The following GPHN variants were observed in gnomAD, a reference collection of about 807,000 sequenced individuals.
GPHN encodes the protein gephyrin.
A neutral mutation model predicts 95.5 loss-of-function variants in GPHN; 17 were observed. That is an observed-to-expected ratio of 0.18 (90% CI 0.12 to 0.27). GPHN has a LOEUF of 0.27. Among genes scored for constraint, GPHN ranks in the 10% least tolerant of loss-of-function variants. The pLI is 1.00. For missense variants in GPHN, 660 were observed against 978.1 expected, an observed-to-expected ratio of 0.67 and a Z score of 4.34; for synonymous variants, 320 against 322.5, an observed-to-expected ratio of 0.99 and a Z score of 0.08.
chr14:67,278,435 C>G, the GPHN span, among the ~76,000 whole-genome samples: 1 of 151,746 alleles, frequency 6.6e-6, no homozygotes, highest in Non-Finnish European at 1.5e-5. Context: ...GCCTCAGCTG[C>G]TAATTGAAGT....
chr14:66,985,538 G>T (rs771753824), intron 9 of GPHN: 2 of 583,558 alleles, frequency 3.4e-6, no homozygotes, highest in Non-Finnish European at 6.0e-6. Flanking sequence ...ACAGCCTCTG[G>T]GTTAGTTAAC....
chr14:66,671,935 G>T (rs1308457140), intron 1 of GPHN, among the ~76,000 whole-genome samples: 1 of 151,976 alleles, frequency 6.6e-6, no homozygotes, highest in African/African-American at 2.4e-5. Context: ...CCCATTTTCA[G>T]TTGCATTGAT....
the GPHN span, among the ~76,000 whole-genome samples, chr14:67,710,428 G>A: frequency 1.2e-4 from 18 of 151,988 alleles, no homozygotes; most frequent in South Asian, 4.2e-4. Context: ...TTATAAATCC[G>A]CTTATTGTGA....
the GPHN span, among the ~76,000 whole-genome samples, chr14:67,209,967 G>C: frequency 6.6e-6 from 1 of 152,154 alleles, no homozygotes; most frequent in East Asian, 1.9e-4. Context: ...ACTTGAGAAG[G>C]AATCAACCTC....
At chr14:66,654,907 A>G (rs1839271894) in intron 1 of GPHN, among the ~76,000 whole-genome samples, 1 of 152,066 alleles carries the variant, frequency 6.6e-6, no homozygotes, top group South Asian at 2.1e-4. Context: ...TTTTTTACTT[A>G]TGTGTAAAAT....
chr14:67,212,568 G>A, the GPHN span, among the ~76,000 whole-genome samples: 1 of 129,766 alleles, frequency 7.7e-6, no homozygotes, highest in Non-Finnish European at 1.7e-5. Flanking sequence ...TCCAGCCTGG[G>A]TGACAGAGCA....
chr14:66,959,136 A>G (rs2068729077), intron 8 of GPHN, among the ~76,000 whole-genome samples: 1 of 152,126 alleles, frequency 6.6e-6, no homozygotes. Context: ...TTCATAAATT[A>G]CCTATCAATA....
chr14:67,199,279 C>A, the GPHN span: 1 of 1,601,094 alleles, frequency 6.2e-7, no homozygotes, highest in Non-Finnish European at 8.6e-7. Flanking sequence ...CCATTAAGAT[C>A]ATGAACATGA....
At chr14:66,886,153 AG>A (rs755713309) in intron 5 of GPHN, among the ~76,000 whole-genome samples, 6 of 152,202 alleles carry the variant, frequency 3.9e-5, no homozygotes, top group Non-Finnish European at 5.9e-5. Flanking sequence ...ACATAAAAAA[AG>A]AATCAATCAG....
At chr14:67,695,737 C>A in the GPHN span, 811 of 1,604,636 alleles carry the variant, frequency 5.1e-4, 4 homozygotes, top group African/African-American at 9.7e-3. Context: ...GAGCGGGATG[C>A]TCCAGCGTTG....
chr14:67,480,957 G>A, the GPHN span, among the ~76,000 whole-genome samples: 1 of 152,220 alleles, frequency 6.6e-6, no homozygotes, highest in Non-Finnish European at 1.5e-5. Flanking sequence ...GAAAGGGGTA[G>A]CTGTCAAAGG....
chr14:66,833,541 A>T (rs1245744050), intron 4 of GPHN, among the ~76,000 whole-genome samples: 1 of 152,168 alleles, frequency 6.6e-6, no homozygotes, highest in Admixed American at 6.6e-5. Context: ...TATAGACAGT[A>T]AAATCATGCT....
chr14:67,726,743 A>T, the GPHN span, among the ~76,000 whole-genome samples: 1 of 152,216 alleles, frequency 6.6e-6, no homozygotes, highest in South Asian at 2.1e-4. Flanking sequence ...AGGTGGGTCA[A>T]GGGCAGAGGT....
chr14:67,594,997 C>T, the GPHN span, among the ~76,000 whole-genome samples: 12 of 151,996 alleles, frequency 7.9e-5, no homozygotes, highest in Non-Finnish European at 1.5e-4. Context: ...GTTAGCCGGG[C>T]GTAGTGGCAG....
chr14:67,349,647 C>A, the GPHN span, among the ~76,000 whole-genome samples: 1 of 152,126 alleles, frequency 6.6e-6, no homozygotes, highest in African/African-American at 2.4e-5. Flanking sequence ...CCAGCCTGGG[C>A]AATGTGGTGA....
At chr14:67,072,692 T>G (rs1245940809) in intron 11 of GPHN, among the ~76,000 whole-genome samples, 1 of 152,130 alleles carries the variant, frequency 6.6e-6, no homozygotes, top group African/African-American at 2.4e-5. Context: ...TTTAACTCAA[T>G]TTTCCAAAAA....
the GPHN span, among the ~76,000 whole-genome samples, chr14:67,449,646 G>T: frequency 6.6e-6 from 1 of 152,156 alleles, no homozygotes; most frequent in African/African-American, 2.4e-5. Flanking sequence ...AATATGGTTT[G>T]GCTCTGTGTT....
intron 8 of GPHN, among the ~76,000 whole-genome samples, chr14:66,937,808 G>A (rs1596442578): frequency 6.6e-6 from 1 of 152,076 alleles, no homozygotes; most frequent in Non-Finnish European, 1.5e-5. Flanking sequence ...AAGTAATTGC[G>A]GTTTTTGCCA....
intron 2 of GPHN, among the ~76,000 whole-genome samples, chr14:66,693,089 G>C (rs2067882993): frequency 6.6e-6 from 1 of 151,836 alleles, no homozygotes; most frequent in African/African-American, 2.4e-5. Flanking sequence ...AAAAATAGCT[G>C]TATATTTCAA....
Sources: gnomAD v4.1 joint callset for allele counts (sites outside exome capture counted in the v4.1 genomes callset) on GRCh38, gnomAD v4.1.1 for gene constraint, MANE v1.5 for transcripts, NCBI Gene and HGNC (gene_info 2026-07-23, HGNC 2026-07-21) for gene names.